EFCAB13: variants seen among roughly 807,000 people sequenced by gnomAD.
The protein encoded by EFCAB13 is EF-hand calcium binding domain 13.
A neutral mutation model predicts 110.2 loss-of-function variants in EFCAB13; 91 were observed. That is an observed-to-expected ratio of 0.83 (90% CI 0.70 to 0.98). The LOEUF (loss-of-function observed/expected upper bound fraction) is 0.98. Among genes scored for constraint, EFCAB13 ranks in the 50% least tolerant of loss-of-function variants. The pLI is 0.00. For missense variants in EFCAB13, 968 were observed against 1,119.4 expected (o/e 0.86, Z 1.93); for synonymous variants, 323 against 369.9 (o/e 0.87, Z 1.45).
intron 10 of EFCAB13, among the ~76,000 whole-genome samples, chr17:47,363,537 A>C (rs117097039): frequency 2.0e-5 from 3 of 151,602 alleles, no homozygotes; most frequent in Admixed American, 6.6e-5. Flanking sequence ...AAAATGCTCC[A>C]TGGCAAATAC....
chr17:47,351,363 A>G (rs2065452379), intron 9 of EFCAB13, among the ~76,000 whole-genome samples: 1 of 151,068 alleles, frequency 6.6e-6, no homozygotes, highest in South Asian at 2.1e-4. Context: ...ATTGATGGAC[A>G]CTTAGGTTGA....
chr17:47,333,391 G>A (rs758706662), intron 4 of EFCAB13, among the ~76,000 whole-genome samples: 17 of 152,026 alleles, frequency 1.1e-4, no homozygotes, highest in Non-Finnish European at 1.5e-4. Flanking sequence ...TCTGTGGGTT[G>A]TTTCTCACCT....
chr17:47,420,476 G>A (rs1189203447), intron 23 of EFCAB13, among the ~76,000 whole-genome samples: 1 of 136,204 alleles, frequency 7.3e-6, no homozygotes, highest in Non-Finnish European at 1.6e-5. Context: ...ATCTCTGCCC[G>A]GCCGCCATCC....
chr17:47,349,367 G>A (rs2065435431), intron 9 of EFCAB13, among the ~76,000 whole-genome samples: 1 of 152,140 alleles, frequency 6.6e-6, no homozygotes, highest in Non-Finnish European at 1.5e-5. Flanking sequence ...TGAATTCATA[G>A]TTATTTAACT....
Position 47,424,874 on chromosome 17 carries a change from C to CTTTTTTTTTTTTTTTTTTTTT in EFCAB13, c.2495-4938_2495-4918dup. On this transcript the variant is annotated intron_variant, in intron 23 of 24. Transcript: ENST00000331493. ...AGGATTTCTTTCTCCGGTTGACAAT[C>CTTTTTTTTTTTTTTTTTTTTT]TTTTTTTTTTTTTTTTTTTTTTTTT... Among the ~76,000 whole-genome samples the CTTTTTTTTTTTTTTTTTTTTT allele has an allele frequency of 9.8e-4, 36 of 36,896 alleles. 9 individuals are homozygous for CTTTTTTTTTTTTTTTTTTTTT. The highest frequency in any genetic ancestry group is 1.3e-3 in the Non-Finnish European group (26 of 19,746). The allele number at this position is 36,896 out of a possible 152,430, so 24.2% of individuals were successfully genotyped here.
At chr17:47,420,479 C>G (rs1311694003) in intron 23 of EFCAB13, among the ~76,000 whole-genome samples, 2 of 137,918 alleles carry the variant, frequency 1.5e-5, no homozygotes, top group African/African-American at 5.3e-5. Flanking sequence ...TCTGCCCGGC[C>G]GCCATCCCAT....
At chr17:47,346,958 T>A (rs934333341) in intron 8 of EFCAB13, among the ~76,000 whole-genome samples, 5 of 152,194 alleles carry the variant, frequency 3.3e-5, no homozygotes, top group Admixed American at 2.6e-4. Flanking sequence ...AGTCATTATT[T>A]TGTATTTATC....
intron 10 of EFCAB13, among the ~76,000 whole-genome samples, chr17:47,368,172 G>T (rs931338802): frequency 6.6e-6 from 1 of 152,030 alleles, no homozygotes; most frequent in Non-Finnish European, 1.5e-5. Context: ...CTTTTTTTCA[G>T]TAAGGAATGC....
intron 5 of EFCAB13, among the ~76,000 whole-genome samples, chr17:47,336,354 C>T (rs1419767858): frequency 6.6e-6 from 1 of 150,790 alleles, no homozygotes; most frequent in Non-Finnish European, 1.5e-5. Flanking sequence ...TGTAGTGGCA[C>T]GATCTTGGCT....
intron 6 of EFCAB13, 97 bp downstream of exon 6, chr17:47,342,129 A>G: frequency 1.5e-6 from 1 of 678,056 alleles, no homozygotes; most frequent in Non-Finnish European, 2.5e-6. Flanking sequence ...TTGAAATGTC[A>G]CAGTCTTAAA....
intron 14 of EFCAB13, among the ~76,000 whole-genome samples, chr17:47,386,256 C>T (rs1034289439): frequency 1.3e-5 from 2 of 152,178 alleles, no homozygotes; most frequent in Admixed American, 1.3e-4. Flanking sequence ...GCCGCCCCTT[C>T]CCCCAGATAC....
At chr17:47,348,110 G>T (rs2065428165) in intron 9 of EFCAB13, among the ~76,000 whole-genome samples, 159 bp downstream of exon 9, 1 of 151,428 alleles carries the variant, frequency 6.6e-6, no homozygotes, top group African/African-American at 2.4e-5. Flanking sequence ...CATGTTACAA[G>T]AACATTACTT....
intron 10 of EFCAB13, among the ~76,000 whole-genome samples, 191 bp from the exon 11 acceptor site, chr17:47,370,246 A>G (rs968342007): frequency 6.6e-6 from 1 of 152,208 alleles, no homozygotes; most frequent in African/African-American, 2.4e-5. Flanking sequence ...AGAAAAGACC[A>G]TGGTCTTACT....
At chr17:47,359,483 T>C (rs962402947) in intron 9 of EFCAB13, among the ~76,000 whole-genome samples, 8 of 151,634 alleles carry the variant, frequency 5.3e-5, no homozygotes, top group Admixed American at 3.3e-4. Flanking sequence ...TGACTATAAA[T>C]GATTTTCCGT....
chr17:47,362,585 C>G (rs1448399152), intron 10 of EFCAB13, among the ~76,000 whole-genome samples: 6 of 152,300 alleles, frequency 3.9e-5, no homozygotes, highest in Admixed American at 3.9e-4. Context: ...GATGTCAGGC[C>G]TGCCCGCAGT....
chr17:47,359,104 G>A (rs990729229), intron 9 of EFCAB13, among the ~76,000 whole-genome samples: 13 of 152,132 alleles, frequency 8.5e-5, no homozygotes, highest in Middle Eastern at 6.3e-3. Context: ...AGGCCAAGGC[G>A]GGTGGATCAC....
chr17:47,352,816 T>C (rs2143293125), intron 9 of EFCAB13, among the ~76,000 whole-genome samples: 1 of 152,334 alleles, frequency 6.6e-6, no homozygotes, highest in African/African-American at 2.4e-5. Context: ...GTTAAATGTA[T>C]TCCTAGGTAC....
chr17:47,422,761 G>A (rs945952771), intron 23 of EFCAB13, among the ~76,000 whole-genome samples: 5 of 152,036 alleles, frequency 3.3e-5, no homozygotes, highest in African/African-American at 1.2e-4. Flanking sequence ...TAAATAAATG[G>A]AGAGATATAT....
intron 16 of EFCAB13, 151 bp downstream of exon 16, chr17:47,394,250 G>T: frequency 2.1e-6 from 1 of 487,132 alleles, no homozygotes. Flanking sequence ...TGCTATATTT[G>T]GCTTTAATCT....
Sources: gnomAD v4.1 joint callset for allele counts (sites outside exome capture counted in the v4.1 genomes callset) on GRCh38, gnomAD v4.1.1 for gene constraint, MANE v1.5 for transcripts, NCBI Gene and HGNC (gene_info 2026-07-23, HGNC 2026-07-21) for gene names.